SLC24A2: variants seen among roughly 807,000 people sequenced by gnomAD.
SLC24A2 encodes solute carrier family 24 member 2, also known as sodium/potassium/calcium exchanger 2.
Under a neutral mutation model 62.0 loss-of-function variants are expected in SLC24A2, and 36 were observed. The observed-to-expected ratio is 0.58, with a 90% CI of 0.44 to 0.77. The LOEUF (loss-of-function observed/expected upper bound fraction) is 0.77. Ranked by LOEUF, SLC24A2 falls within the 30% of genes least tolerant of loss-of-function variation. The pLI is 0.00. For synonymous variants in SLC24A2, 358 were observed against 294.0 expected, an observed-to-expected ratio of 1.22 and a Z score of -2.23; for missense variants, 846 against 817.9, an observed-to-expected ratio of 1.03 and a Z score of -0.42.
chr9:20,290,238 A>C, the SLC24A2 span, among the ~76,000 whole-genome samples: 1 of 152,208 alleles, frequency 6.6e-6, no homozygotes, highest in Non-Finnish European at 1.5e-5. Flanking sequence ...ACAATGTAGA[A>C]AACCCGATTT....
chr9:20,283,079 G>A, the SLC24A2 span, among the ~76,000 whole-genome samples: 1 of 152,306 alleles, frequency 6.6e-6, no homozygotes, highest in African/African-American at 2.4e-5. Context: ...TCCTTAGCAA[G>A]AGAGAGGGCC....
At chr9:19,665,491 A>C (rs117970941) in intron 2 of SLC24A2, among the ~76,000 whole-genome samples, 79 of 152,258 alleles carry the variant, frequency 5.2e-4, no homozygotes, top group South Asian at 1.5e-3. Context: ...CTTCAATTGA[A>C]ATGCATTGGT....
At chr9:20,160,741 TG>T in the SLC24A2 span, among the ~76,000 whole-genome samples, 3 of 151,142 alleles carry the variant, frequency 2.0e-5, no homozygotes, top group African/African-American at 7.3e-5. Flanking sequence ...TTAGAATCTA[TG>T]GGATACATTT....
At chr9:19,867,982 C>T in the SLC24A2 span, among the ~76,000 whole-genome samples, 1 of 151,792 alleles carries the variant, frequency 6.6e-6, no homozygotes. Flanking sequence ...TTTTGATTTT[C>T]TACTTCATTT....
chr9:19,711,506 G>A (rs1458028001), intron 2 of SLC24A2, among the ~76,000 whole-genome samples: 1 of 152,212 alleles, frequency 6.6e-6, no homozygotes, highest in African/African-American at 2.4e-5. Flanking sequence ...AATTATGAGT[G>A]AGGATAAACT....
At chr9:20,167,121 C>T in the SLC24A2 span, among the ~76,000 whole-genome samples, 11 of 152,098 alleles carry the variant, frequency 7.2e-5, no homozygotes, top group South Asian at 1.0e-3. Flanking sequence ...TGCAATCCTA[C>T]TGTATTTCAA....
At chr9:20,112,509 G>GA in the SLC24A2 span, among the ~76,000 whole-genome samples, 1 of 152,136 alleles carries the variant, frequency 6.6e-6, no homozygotes, top group South Asian at 2.1e-4. Flanking sequence ...CAGGTTTCTT[G>GA]AAAATAATCT....
chr9:20,004,831 G>A, the SLC24A2 span, among the ~76,000 whole-genome samples: 23 of 151,056 alleles, frequency 1.5e-4, no homozygotes, highest in Admixed American at 1.3e-3. Context: ...TTCTTCCTTT[G>A]GGATTTCATA....
chr9:19,740,800 G>A (rs750168293), intron 2 of SLC24A2, among the ~76,000 whole-genome samples: 17 of 151,636 alleles, frequency 1.1e-4, no homozygotes, highest in Admixed American at 7.9e-4. Flanking sequence ...CTGGGTTACG[G>A]ATACCTGGGT....
chr9:19,866,902 T>A, the SLC24A2 span, among the ~76,000 whole-genome samples: 1 of 151,958 alleles, frequency 6.6e-6, no homozygotes, highest in Admixed American at 6.6e-5. Flanking sequence ...AGGCTGATTA[T>A]CAGAGGCTGG....
At chr9:20,003,609 T>A in the SLC24A2 span, among the ~76,000 whole-genome samples, 1 of 152,078 alleles carries the variant, frequency 6.6e-6, no homozygotes, top group Admixed American at 6.6e-5. Flanking sequence ...AGATTCCACT[T>A]GATAGAATGA....
the SLC24A2 span, among the ~76,000 whole-genome samples, chr9:20,074,226 G>C: frequency 6.6e-6 from 1 of 151,926 alleles, no homozygotes; most frequent in Non-Finnish European, 1.5e-5. Flanking sequence ...GCAGGAGACT[G>C]TGGTATGAGT....
intron 2 of SLC24A2, among the ~76,000 whole-genome samples, chr9:19,708,184 A>T (rs150842709): frequency 2.0e-4 from 31 of 152,326 alleles, no homozygotes; most frequent in African/African-American, 7.2e-4. Context: ...AATACCTAGG[A>T]ATCCAACTTA....
At chr9:19,811,931 T>C in the SLC24A2 span, among the ~76,000 whole-genome samples, 1 of 152,148 alleles carries the variant, frequency 6.6e-6, no homozygotes, top group South Asian at 2.1e-4. Context: ...TGAAAAACTT[T>C]CTTTAGTATT....
At chr9:19,674,303 TTTC>T (rs1447621124) in intron 2 of SLC24A2, among the ~76,000 whole-genome samples, 2 of 151,934 alleles carry the variant, frequency 1.3e-5, no homozygotes, top group Non-Finnish European at 2.9e-5. Context: ...CTTAAGATTC[TTTC>T]TTAAGTTTTG....
At chr9:19,962,659 C>T in the SLC24A2 span, among the ~76,000 whole-genome samples, 14 of 151,982 alleles carry the variant, frequency 9.2e-5, no homozygotes, top group African/African-American at 3.4e-4. Flanking sequence ...ATTTGGCTCT[C>T]TGTCTGTTAT....
intron 7 of SLC24A2, among the ~76,000 whole-genome samples, chr9:19,569,252 T>C (rs559949045): frequency 2.0e-5 from 3 of 152,296 alleles, no homozygotes; most frequent in Admixed American, 6.5e-5. Context: ...GTCTCATGGG[T>C]CGTACAGAAA....
chr9:19,972,107 T>C, the SLC24A2 span, among the ~76,000 whole-genome samples: 2 of 152,190 alleles, frequency 1.3e-5, no homozygotes, highest in African/African-American at 4.8e-5. Flanking sequence ...GCTGGGTTGC[T>C]GATGGTCCTA....
At chr9:19,540,450 C>A (rs1834195043) in intron 8 of SLC24A2, among the ~76,000 whole-genome samples, 1 of 150,804 alleles carries the variant, frequency 6.6e-6, no homozygotes, top group Non-Finnish European at 1.5e-5. Flanking sequence ...TATTTTATTT[C>A]TCCTTCACTT....
Sources: gnomAD v4.1 joint callset for allele counts (sites outside exome capture counted in the v4.1 genomes callset) on GRCh38, gnomAD v4.1.1 for gene constraint, MANE v1.5 for transcripts, NCBI Gene and HGNC (gene_info 2026-07-23, HGNC 2026-07-21) for gene names.